The following MAN1A1 variants were observed in gnomAD, a reference collection of about 807,000 sequenced individuals.
MAN1A1 encodes mannosidase alpha class 1A member 1, also known as mannosyl-oligosaccharide 1,2-alpha-mannosidase IA.
In MAN1A1, 29 loss-of-function variants were observed where a neutral mutation model predicts 70.8. That is an observed-to-expected ratio of 0.41 (90% CI 0.31 to 0.56). The LOEUF (loss-of-function observed/expected upper bound fraction) is 0.56, where lower values mean the gene tolerates loss of function less well. Among genes scored for constraint, MAN1A1 ranks in the 20% least tolerant of loss-of-function variants. The pLI is 0.29. For missense variants in MAN1A1, 747 were observed against 841.3 expected, an observed-to-expected ratio of 0.89 and a Z score of 1.39; for synonymous variants, 349 against 330.1, an observed-to-expected ratio of 1.06 and a Z score of -0.62.
At chr6:119,256,225 T>C (rs774530491) in intron 5 of MAN1A1, among the ~76,000 whole-genome samples, 2 of 152,194 alleles carry the variant, frequency 1.3e-5, no homozygotes, top group Non-Finnish European at 2.9e-5. Flanking sequence ...ACACTTCCAA[T>C]TGTAAGCATA....
chr6:119,232,442 T>A (rs1562203111), intron 6 of MAN1A1, among the ~76,000 whole-genome samples: 1 of 148,138 alleles, frequency 6.8e-6, no homozygotes, highest in East Asian at 2.0e-4. Flanking sequence ...ATAGACAGAG[T>A]GATAGCCTAC....
At chr6:119,305,886 A>G (rs553726731) in intron 3 of MAN1A1, among the ~76,000 whole-genome samples, 10 of 152,214 alleles carry the variant, frequency 6.6e-5, no homozygotes, top group Non-Finnish European at 1.2e-4. Context: ...GTCAGAATTA[A>G]GAGCATGGAC....
chr6:119,193,960 AT>A, intron 8 of MAN1A1, 68 bp from the exon 9 acceptor site: 2 of 906,206 alleles, frequency 2.2e-6, no homozygotes, highest in Non-Finnish European at 3.6e-6. Flanking sequence ...GCAAAATCAC[AT>A]TAGCAACTAG....
In MAN1A1 at chr6:119,349,695, C is replaced by A; in HGVS notation, c.-376G>T. 1 of 985,884 alleles carries A rather than the reference C, an allele frequency of 1.0e-6. No homozygotes were observed. The highest frequency in any genetic ancestry group is 1.2e-6 in the Non-Finnish European group (1 of 830,062). 61.1% of individuals were successfully genotyped at this position (985,884 alleles called of 1,614,324 possible). On this transcript the variant is annotated 5_prime_UTR_variant, in exon 1 of 13. Transcript: ENST00000368468. ...GGCGCGGCTCAGGTGGGCGAGCGCGCCGACCTGCGGGCGAATGGCAGCGAG... is the reference window on the plus strand; with the variant it reads ...GGCGCGGCTCAGGTGGGCGAGCGCGACGACCTGCGGGCGAATGGCAGCGAG...
At chr6:119,248,197 T>G in intron 6 of MAN1A1, 63 bp downstream of exon 6, 1 of 1,103,176 alleles carries the variant, frequency 9.1e-7, no homozygotes. Context: ...TAATGTATAC[T>G]TATTAGGCAA....
At chr6:119,306,815 C>T in intron 3 of MAN1A1, 81 bp downstream of exon 3, 1 of 1,015,686 alleles carries the variant, frequency 9.8e-7, no homozygotes, top group East Asian at 2.4e-5. Flanking sequence ...GGCCATGTTA[C>T]ACAGACTTCT....
At chr6:119,217,233 C>T (rs971531343) in intron 6 of MAN1A1, among the ~76,000 whole-genome samples, 3 of 152,142 alleles carry the variant, frequency 2.0e-5, no homozygotes, top group Non-Finnish European at 4.4e-5. Context: ...CTTTAACTTG[C>T]ATTTATTTAA....
chr6:119,336,733 T>C (rs1773462143), intron 2 of MAN1A1, among the ~76,000 whole-genome samples: 1 of 152,216 alleles, frequency 6.6e-6, no homozygotes, highest in Non-Finnish European at 1.5e-5. Flanking sequence ...AGCTAACCTA[T>C]GACTTTTCAT....
intron 6 of MAN1A1, 83 bp from the exon 7 acceptor site, chr6:119,204,965 G>T: frequency 6.8e-7 from 1 of 1,462,422 alleles, no homozygotes; most frequent in Non-Finnish European, 9.2e-7. Flanking sequence ...GAAATAGACA[G>T]CTTTTAAAAA....
chr6:119,233,790 A>G (rs1774757758), intron 6 of MAN1A1, among the ~76,000 whole-genome samples: 3 of 152,222 alleles, frequency 2.0e-5, no homozygotes, highest in Admixed American at 6.5e-5. Context: ...GAAGTTGGCA[A>G]TGGGACCCTC....
intron 6 of MAN1A1, chr6:119,211,063 T>C (rs180914444): frequency 6.8e-6 from 2 of 294,846 alleles, no homozygotes; most frequent in Non-Finnish European, 1.4e-5. Flanking sequence ...TCTTCGGAAA[T>C]AATAATAATA....
intron 6 of MAN1A1, among the ~76,000 whole-genome samples, chr6:119,246,417 A>AT (rs1223017017): frequency 1.3e-5 from 2 of 152,174 alleles, no homozygotes; most frequent in African/African-American, 2.4e-5. Flanking sequence ...TGAGAGGCAT[A>AT]TGTTCATCGG....
rs182809928 is a variant in MAN1A1 at position 119,205,840 on chromosome 6, A to G, written c.993-958T>C. Among the ~76,000 whole-genome samples, 5 of 152,394 alleles carry G rather than the reference A, an allele frequency of 3.3e-5. No homozygotes were observed. The East Asian group carries it at 7.7e-4, about 23-fold the overall frequency. On this transcript the variant is annotated intron_variant, in intron 6 of 12. Transcript: ENST00000368468. Reference sequence around the variant, plus strand: ...TGCATGCCTACTATTTGCTAGGACTATACATGGCATTGGGTTACAAGCATG... The same window carrying G: ...TGCATGCCTACTATTTGCTAGGACTGTACATGGCATTGGGTTACAAGCATG...
chr6:119,220,417 T>C (rs1389435088), intron 6 of MAN1A1, among the ~76,000 whole-genome samples: 2 of 152,214 alleles, frequency 1.3e-5, no homozygotes, highest in Non-Finnish European at 1.5e-5. Context: ...TGTAAAATGG[T>C]TTAAGTTTCC....
At chr6:119,248,465 C>T in intron 5 of MAN1A1, 111 bp from the exon 6 acceptor site, 1 of 638,804 alleles carries the variant, frequency 1.6e-6, no homozygotes, top group Non-Finnish European at 2.8e-6. Context: ...GTATTTTCTA[C>T]TTTTAATATC....
At chr6:119,255,223 C>A (rs1248475816) in intron 5 of MAN1A1, among the ~76,000 whole-genome samples, 3 of 152,182 alleles carry the variant, frequency 2.0e-5, no homozygotes, top group African/African-American at 7.2e-5. Flanking sequence ...AGACATGCTT[C>A]AGTTTGAAAT....
chr6:119,200,370 C>A (rs1582690341), intron 8 of MAN1A1, among the ~76,000 whole-genome samples: 1 of 152,176 alleles, frequency 6.6e-6, no homozygotes, highest in Non-Finnish European at 1.5e-5. Flanking sequence ...AACAGCTAGG[C>A]CTTCCAGAGC....
At chr6:119,325,243 A>G (rs1220943307) in intron 2 of MAN1A1, among the ~76,000 whole-genome samples, 1 of 152,222 alleles carries the variant, frequency 6.6e-6, no homozygotes, top group Non-Finnish European at 1.5e-5. Context: ...TGGACACATC[A>G]AAGAGCGGGA....
At chr6:119,180,160 C>T (rs1437663639) in intron 12 of MAN1A1, 152 bp downstream of exon 12, 2 of 708,218 alleles carry the variant, frequency 2.8e-6, no homozygotes, top group Non-Finnish European at 4.7e-6. Context: ...GTCACTGAAC[C>T]TAGTTATTGA....
Sources: allele counts gnomAD v4.1 joint callset (sites outside exome capture counted in the v4.1 genomes callset), GRCh38; gene constraint gnomAD v4.1.1; transcripts MANE v1.5; gene names NCBI Gene and HGNC (gene_info 2026-07-23, HGNC 2026-07-21).